Variants in ZBTB20 observed in about 807,000 individuals in gnomAD.
ZBTB20 encodes zinc finger and BTB domain-containing protein 20.
A neutral mutation model predicts 56.9 loss-of-function variants in ZBTB20; 9 were observed. The observed-to-expected ratio is 0.16, with a 90% CI of 0.10 to 0.28. The LOEUF is 0.28. Among genes scored for constraint, ZBTB20 ranks in the 10% least tolerant of loss-of-function variants. The pLI, the probability that ZBTB20 is intolerant of heterozygous loss-of-function variation, is 1.00. For missense variants in ZBTB20, 655 were observed against 1,003.0 expected, an observed-to-expected ratio of 0.65 and a Z score of 4.69; for synonymous variants, 417 against 420.7, an observed-to-expected ratio of 0.99 and a Z score of 0.11.
At chr3:114,608,876 C>T (rs144819994) in intron 6 of ZBTB20, among the ~76,000 whole-genome samples, 2 of 152,258 alleles carry the variant, frequency 1.3e-5, no homozygotes, top group African/African-American at 4.8e-5. Context: ...AACAGGTCTG[C>T]CATGTTTGCA....
intron 6 of ZBTB20, among the ~76,000 whole-genome samples, chr3:114,637,112 G>T (rs2059321107): frequency 2.0e-5 from 3 of 152,044 alleles, no homozygotes; most frequent in Non-Finnish European, 4.4e-5. Flanking sequence ...TATATAACAA[G>T]AAAGTGATTA....
chr3:115,058,193 A>AC lies in ZBTB20; in HGVS notation c.-507+13025dup, dbSNP rs113073703. On this transcript the variant is annotated intron_variant, in intron 2 of 11. Transcript: ENST00000675478. ...GAGATTTGGGTGGGGACATAGCCAA[A>AC]CATATCAATGAAATTCTAAGTCTTC... Among the ~76,000 whole-genome samples the AC allele has an allele frequency of 7.8e-3, 1,188 of 152,274 alleles. 18 individuals carry two copies. The highest frequency in any genetic ancestry group is 0.027 in the African/African-American group (1,104 of 41,558).
At chr3:115,073,433 C>G (rs751304841) in intron 1 of ZBTB20, among the ~76,000 whole-genome samples, 38 of 152,024 alleles carry the variant, frequency 2.5e-4, no homozygotes, top group Non-Finnish European at 2.6e-4. Flanking sequence ...TTCTTATTCC[C>G]GACTCCTACC....
chr3:114,921,652 G>A (rs1455467259), intron 3 of ZBTB20, among the ~76,000 whole-genome samples: 1 of 146,376 alleles, frequency 6.8e-6, no homozygotes, highest in Non-Finnish European at 1.5e-5. Flanking sequence ...CTCATAGGTG[G>A]GAATTGAACA....
rs1194639400 is a variant in ZBTB20, at chr3:114,911,450, AAG to A, written c.-455-11110_-455-11109del. On this transcript the variant is annotated intron_variant, in intron 3 of 11. Transcript: ENST00000675478. ...GAGCAGTCCTGCCAGCACAGGGAAA[AAG>A]AACTCAAAATAATGATTTTCAATAA... 2.6e-5 allele frequency among the ~76,000 whole-genome samples: 4 copies of A among 152,158 alleles called. No homozygotes were observed. In the South Asian group the frequency reaches 8.3e-4, roughly 32 times the overall value.
intron 1 of ZBTB20, among the ~76,000 whole-genome samples, chr3:115,113,954 G>A (rs1304779837): frequency 6.6e-6 from 1 of 151,820 alleles, no homozygotes; most frequent in Non-Finnish European, 1.5e-5. Flanking sequence ...GTTTGTCTTG[G>A]CATTGATTAA....
At chr3:114,368,930 A>G (rs2108417710) in intron 10 of ZBTB20, among the ~76,000 whole-genome samples, 1 of 152,376 alleles carries the variant, frequency 6.6e-6, no homozygotes, top group East Asian at 1.9e-4. Flanking sequence ...AGGTGTACCT[A>G]TAAAGACCTA....
At chr3:114,441,516 T>C (rs2090923037) in intron 7 of ZBTB20, among the ~76,000 whole-genome samples, 1 of 152,110 alleles carries the variant, frequency 6.6e-6, no homozygotes, top group South Asian at 2.1e-4. Context: ...GCACTACGAA[T>C]GTCCCTGTAC....
At chr3:114,843,528 T>G (rs2074489064) in intron 4 of ZBTB20, among the ~76,000 whole-genome samples, 2 of 152,178 alleles carry the variant, frequency 1.3e-5, no homozygotes, top group African/African-American at 4.8e-5. Context: ...ACCTTGAATA[T>G]ATATACACGT....
chr3:115,023,411 T>C (rs997887654), intron 2 of ZBTB20, among the ~76,000 whole-genome samples: 2 of 150,942 alleles, frequency 1.3e-5, no homozygotes, highest in Non-Finnish European at 3.0e-5. Context: ...TCTATGCCTG[T>C]GCCCCATGTG....
intron 2 of ZBTB20, among the ~76,000 whole-genome samples, chr3:114,985,138 C>G (rs1164414992): frequency 1.3e-5 from 2 of 152,082 alleles, no homozygotes; most frequent in Admixed American, 1.3e-4. Context: ...TATAAACTGA[C>G]TCATTGTCGA....
chr3:114,761,380 A>C (rs955018506), intron 5 of ZBTB20, among the ~76,000 whole-genome samples: 6 of 152,124 alleles, frequency 3.9e-5, no homozygotes, highest in Non-Finnish European at 5.9e-5. Flanking sequence ...TACTATTACC[A>C]CCTCCATTTA....
At chr3:114,783,386 T>A (rs1160971310) in intron 5 of ZBTB20, among the ~76,000 whole-genome samples, 1 of 152,168 alleles carries the variant, frequency 6.6e-6, no homozygotes, top group Non-Finnish European at 1.5e-5. Flanking sequence ...AAATCTTGCC[T>A]CTTGAACTAC....
intron 2 of ZBTB20, among the ~76,000 whole-genome samples, chr3:114,986,224 C>G (rs1311472825): frequency 6.6e-6 from 1 of 152,034 alleles, no homozygotes; most frequent in Non-Finnish European, 1.5e-5. Context: ...TTATCACTGC[C>G]GCCTAATCCT....
At chr3:114,506,345 G>A (rs150011362) in intron 6 of ZBTB20, among the ~76,000 whole-genome samples, 30 of 152,116 alleles carry the variant, frequency 2.0e-4, no homozygotes, top group Non-Finnish European at 3.4e-4. Flanking sequence ...CTGCTTCTGC[G>A]CCTGAGACAT....
intron 10 of ZBTB20, among the ~76,000 whole-genome samples, chr3:114,354,963 T>G (rs1280259430): frequency 6.6e-6 from 1 of 152,206 alleles, no homozygotes; most frequent in Non-Finnish European, 1.5e-5. Flanking sequence ...CCCAAAGTTT[T>G]GCACAGTAGC....
At chr3:114,715,663 G>C (rs188431831) in intron 5 of ZBTB20, among the ~76,000 whole-genome samples, 120 of 152,290 alleles carry the variant, frequency 7.9e-4, no homozygotes, top group African/African-American at 2.9e-3. Context: ...AGAATTATGA[G>C]GTTACTTCGT....
Position 114,651,057 on chromosome 3 carries a change from A to AC in ZBTB20, c.-295+42470_-295+42471insG, listed in dbSNP as rs771297519. Among the ~76,000 whole-genome samples the AC allele has an allele frequency of 2.0e-5, 3 of 152,212 alleles. No individual in the cohort carries two copies. The South Asian group carries it at 6.2e-4, about 32-fold the overall frequency. On this transcript the variant is annotated intron_variant, in intron 6 of 11. Transcript: ENST00000675478. ...TCAAAAGCATACCACATGACTTGGT[A>AC]AATATTCAGTGTATCAAAATGTAGT...
chr3:114,678,353 G>T (rs2061759562), intron 6 of ZBTB20, among the ~76,000 whole-genome samples: 1 of 152,104 alleles, frequency 6.6e-6, no homozygotes, highest in Non-Finnish European at 1.5e-5. Flanking sequence ...CACATAAAAT[G>T]CACTTAAAAT....
Sources: gnomAD v4.1 joint callset for allele counts (sites outside exome capture counted in the v4.1 genomes callset) on GRCh38, gnomAD v4.1.1 for gene constraint, MANE v1.5 for transcripts, NCBI Gene and HGNC (gene_info 2026-07-23, HGNC 2026-07-21) for gene names.